CDH13: variants seen among roughly 807,000 people sequenced by gnomAD.
CDH13 encodes cadherin 13, also known as cadherin-13.
A neutral mutation model predicts 63.8 loss-of-function variants in CDH13; 24 were observed. The observed-to-expected ratio is 0.38, with a 90% CI of 0.27 to 0.53. CDH13 has a LOEUF of 0.53. CDH13 is among the 20% of genes least tolerant of loss of function. The pLI, the probability that CDH13 is intolerant of heterozygous loss-of-function variation, is 0.85. For synonymous variants in CDH13, 503 were observed against 355.3 expected, an observed-to-expected ratio of 1.42 and a Z score of -4.67; for missense variants, 1,049 against 903.1, an observed-to-expected ratio of 1.16 and a Z score of -2.07.
chr16:83,537,050 T>A (rs1337402473), intron 7 of CDH13, among the ~76,000 whole-genome samples: 1 of 152,174 alleles, frequency 6.6e-6, no homozygotes. Context: ...TACAAACATT[T>A]TTGAATGGCA....
chr16:82,841,092 A>G (rs895889882), intron 1 of CDH13, among the ~76,000 whole-genome samples: 1 of 152,242 alleles, frequency 6.6e-6, no homozygotes, highest in Non-Finnish European at 1.5e-5. Context: ...GCCTGTGGAC[A>G]TCTAGAAATG....
At chr16:83,232,388 G>T (rs2040024198) in intron 5 of CDH13, among the ~76,000 whole-genome samples, 1 of 151,890 alleles carries the variant, frequency 6.6e-6, no homozygotes, top group Non-Finnish European at 1.5e-5. Context: ...AGCCAGGCAT[G>T]ATGGCGCATG....
intron 8 of CDH13, among the ~76,000 whole-genome samples, chr16:83,606,754 A>G (rs1223314343): frequency 6.7e-6 from 1 of 148,400 alleles, no homozygotes; most frequent in Non-Finnish European, 1.5e-5. Context: ...TTGCAGGTAG[A>G]CAGACCCAGG....
intron 2 of CDH13, among the ~76,000 whole-genome samples, chr16:82,912,787 CA>C (rs1430482999): frequency 1.3e-5 from 2 of 152,134 alleles, no homozygotes; most frequent in Admixed American, 1.3e-4. Flanking sequence ...ACTAAAAATA[CA>C]AAATATTAGC....
chr16:82,968,750 T>A (rs1386465264), intron 2 of CDH13, among the ~76,000 whole-genome samples: 1 of 152,216 alleles, frequency 6.6e-6, no homozygotes, highest in African/African-American at 2.4e-5. Context: ...TATGGTGTTA[T>A]AACTATTTTT....
chr16:82,682,474 G>T (rs1378689998), intron 1 of CDH13, among the ~76,000 whole-genome samples: 1 of 152,206 alleles, frequency 6.6e-6, no homozygotes, highest in East Asian at 1.9e-4. Flanking sequence ...CTCAAGTTCT[G>T]CAGGGAGAAA....
chr16:82,899,166 C>T (rs1358373155), intron 2 of CDH13, among the ~76,000 whole-genome samples: 2 of 152,154 alleles, frequency 1.3e-5, no homozygotes, highest in Admixed American at 6.6e-5. Context: ...CAGGGTCTCA[C>T]ATTAGCTGAG....
intron 1 of CDH13, among the ~76,000 whole-genome samples, chr16:82,666,408 C>G (rs908446030): frequency 6.6e-5 from 10 of 152,196 alleles, no homozygotes; most frequent in East Asian, 1.9e-4. Flanking sequence ...CCCTCCCTCT[C>G]CAATCAATGG....
intron 6 of CDH13, among the ~76,000 whole-genome samples, chr16:83,478,700 C>G (rs1211013768): frequency 1.3e-5 from 2 of 152,150 alleles, no homozygotes; most frequent in Non-Finnish European, 2.9e-5. Flanking sequence ...CTGGAATCAC[C>G]TCTTTTCTCT....
At chr16:82,965,153 C>T (rs1292873314) in intron 2 of CDH13, among the ~76,000 whole-genome samples, 1 of 152,234 alleles carries the variant, frequency 6.6e-6, no homozygotes, top group East Asian at 1.9e-4. Context: ...TGCAGTTTCT[C>T]TCATCCCACT....
intron 8 of CDH13, among the ~76,000 whole-genome samples, chr16:83,621,251 G>A (rs1909784330): frequency 6.6e-6 from 1 of 152,146 alleles, no homozygotes; most frequent in Admixed American, 6.6e-5. Context: ...GCCGGATTCA[G>A]TGGCAGCCAT....
chr16:83,340,036 C>T (rs1268176814), intron 5 of CDH13, among the ~76,000 whole-genome samples: 2 of 152,294 alleles, frequency 1.3e-5, no homozygotes, highest in South Asian at 2.1e-4. Flanking sequence ...TCACCATTCT[C>T]TGTGACCTTT....
chr16:83,198,484 T>C (rs1053211736), intron 4 of CDH13, among the ~76,000 whole-genome samples: 1 of 152,174 alleles, frequency 6.6e-6, no homozygotes, highest in Non-Finnish European at 1.5e-5. Context: ...AAGTTGGATG[T>C]CTTGTTGTGC....
At chr16:82,959,584 C>A (rs1906645704) in intron 2 of CDH13, among the ~76,000 whole-genome samples, 2 of 152,160 alleles carry the variant, frequency 1.3e-5, no homozygotes, top group South Asian at 4.1e-4. Flanking sequence ...ATCTCCTTTG[C>A]ACTCTTTTCG....
chr16:83,039,449 G>A (rs1227882822), intron 3 of CDH13, among the ~76,000 whole-genome samples: 1 of 152,112 alleles, frequency 6.6e-6, no homozygotes, highest in Non-Finnish European at 1.5e-5. Context: ...TCCCAAGAAA[G>A]GATCTCCCCT....
chr16:83,205,489 C>A (rs11642850), intron 4 of CDH13, among the ~76,000 whole-genome samples: 2 of 152,104 alleles, frequency 1.3e-5, no homozygotes, highest in East Asian at 1.9e-4. Flanking sequence ...GCAGTGGTCC[C>A]TTGAAGGCCA....
intron 4 of CDH13, among the ~76,000 whole-genome samples, chr16:83,127,468 G>T (rs1044979900): frequency 1.3e-5 from 2 of 152,304 alleles, no homozygotes; most frequent in Admixed American, 6.5e-5. Context: ...GGTGGTTCAC[G>T]CCTGTAATCC....
At chr16:83,522,299 A>T (rs1177824738) in intron 7 of CDH13, among the ~76,000 whole-genome samples, 2 of 152,316 alleles carry the variant, frequency 1.3e-5, no homozygotes, top group East Asian at 3.9e-4. Flanking sequence ...ATTGTTTTAA[A>T]GTCATGTATT....
rs2090935821 is a variant in CDH13 at position 83,350,726 on chromosome 16, T to G, written c.781+5720T>G. ...AAATCAGAAAGAAAATTGCGGCAAGTGCTACAACATAGTTGTATGGGAGGC... is the reference window on the plus strand; with the variant it reads ...AAATCAGAAAGAAAATTGCGGCAAGGGCTACAACATAGTTGTATGGGAGGC... On this transcript the variant is annotated intron_variant, in intron 6 of 13. Coordinates refer to ENST00000567109, the MANE Select transcript of CDH13 (RefSeq NM_001257.5). Among the ~76,000 whole-genome samples the G allele has an allele frequency of 2.0e-5, 3 of 152,126 alleles. No individual in the cohort carries two copies. In the South Asian group the frequency reaches 6.2e-4, roughly 32 times the overall value.
Sources: gnomAD v4.1 joint callset for allele counts (sites outside exome capture counted in the v4.1 genomes callset) on GRCh38, gnomAD v4.1.1 for gene constraint, MANE v1.5 for transcripts, NCBI Gene and HGNC (gene_info 2026-07-23, HGNC 2026-07-21) for gene names.